Variants in RYR2 observed in about 807,000 individuals in gnomAD.
RYR2 encodes ryanodine receptor 2.
RYR2 carries 227 observed loss-of-function variants against 601.1 expected under a neutral mutation model. The observed-to-expected ratio is 0.38, with a 90% CI of 0.34 to 0.42. The LOEUF is 0.42. RYR2 is among the 10% of genes least tolerant of loss of function. The pLI is 1.00. For synonymous variants in RYR2, 2,223 were observed against 2,175.1 expected (o/e 1.02, Z -0.61); for missense variants, 4,646 against 6,156.5 (o/e 0.75, Z 8.21).
chr1:237,105,042 G>A (rs1283491424), intron 1 of RYR2, among the ~76,000 whole-genome samples: 2 of 152,184 alleles, frequency 1.3e-5, no homozygotes, highest in African/African-American at 2.4e-5. Context: ...AGAACCTCAC[G>A]AATAAGGGGT....
At chr1:237,317,893 T>C (rs1167383878) in intron 2 of RYR2, among the ~76,000 whole-genome samples, 2 of 152,190 alleles carry the variant, frequency 1.3e-5, no homozygotes, top group African/African-American at 4.8e-5. Context: ...TACAGTTAGA[T>C]CATATTTTTT....
At chr1:237,163,139 G>A (rs1394580735) in intron 1 of RYR2, among the ~76,000 whole-genome samples, 4 of 151,972 alleles carry the variant, frequency 2.6e-5, no homozygotes, top group East Asian at 1.9e-4. Context: ...CAACCACTCC[G>A]GTCAAACCTC....
intron 17 of RYR2, among the ~76,000 whole-genome samples, chr1:237,470,910 A>AAGAG (rs921177175): frequency 6.6e-6 from 1 of 150,452 alleles, no homozygotes; most frequent in East Asian, 1.9e-4. Flanking sequence ...AGAGAGAGGA[A>AAGAG]AGAGAGAGAG....
At chr1:237,672,577 C>T (rs1010335866) in intron 58 of RYR2, among the ~76,000 whole-genome samples, 3 of 152,202 alleles carry the variant, frequency 2.0e-5, no homozygotes, top group African/African-American at 7.2e-5. Context: ...CCCATCACCT[C>T]AAACATTTAT....
At chr1:237,505,714 C>T (rs1665151614) in intron 22 of RYR2, among the ~76,000 whole-genome samples, 1 of 152,184 alleles carries the variant, frequency 6.6e-6, no homozygotes, top group Non-Finnish European at 1.5e-5. Flanking sequence ...TTATCACCTG[C>T]TTCTCTTGGG....
chr1:237,707,866 G>A (rs949727007), intron 68 of RYR2, among the ~76,000 whole-genome samples: 1 of 151,994 alleles, frequency 6.6e-6, no homozygotes, highest in Non-Finnish European at 1.5e-5. Flanking sequence ...CCGCCTCCCG[G>A]GTTCAAGTGA....
At chr1:237,591,950 T>C in intron 32 of RYR2, 97 bp downstream of exon 32, 1 of 868,880 alleles carries the variant, frequency 1.2e-6, no homozygotes. Context: ...TTAGTAACAT[T>C]ATTTTTAAAA....
At chr1:237,203,482 G>A (rs964333551) in intron 1 of RYR2, among the ~76,000 whole-genome samples, 19 of 152,102 alleles carry the variant, frequency 1.2e-4, no homozygotes, top group African/African-American at 4.6e-4. Flanking sequence ...TGTCTCAAAA[G>A]TCAAACTAAA....
At chr1:237,675,990 T>A (rs1685362504) in intron 60 of RYR2, among the ~76,000 whole-genome samples, 1 of 152,190 alleles carries the variant, frequency 6.6e-6, no homozygotes. Context: ...TTTAAAAATA[T>A]GATTCCTGAC....
intron 29 of RYR2, among the ~76,000 whole-genome samples, chr1:237,574,181 T>A (rs994301955): frequency 6.6e-6 from 1 of 152,202 alleles, no homozygotes; most frequent in African/African-American, 2.4e-5. Context: ...CCTTCAATCA[T>A]CACTTTTAAA....
chr1:237,065,944 G>A (rs890721990), intron 1 of RYR2, among the ~76,000 whole-genome samples: 4 of 152,120 alleles, frequency 2.6e-5, no homozygotes, highest in East Asian at 1.9e-4. Context: ...AAGAGCACTT[G>A]CTCACTATCA....
Position 237,727,154 on chromosome 1 carries a change from C to CT in RYR2, c.10794dup (p.Val3599CysfsTer12). 6.3e-7 allele frequency: 1 copy of CT among 1,590,740 alleles called. No individual in the cohort carries two copies. Among genetic ancestry groups the CT allele is most frequent in the Non-Finnish European group, 8.6e-7 (1 of 1,167,478 alleles). On this transcript the variant is annotated frameshift_variant, in exon 76 of 105. Transcript: ENST00000366574. LOFTEE classifies it high-confidence loss of function. ...CTACTGTCCAAGCAGAGGAAAAGGG[C>CT]TGTTGTAGCCTGCTTCCGGATGGCC...
At chr1:237,298,043 G>C (rs1295106688) in intron 2 of RYR2, among the ~76,000 whole-genome samples, 1 of 151,550 alleles carries the variant, frequency 6.6e-6, no homozygotes, top group African/African-American at 2.4e-5. Flanking sequence ...ACAGGTGTGA[G>C]CTACAGTGCC....
intron 1 of RYR2, among the ~76,000 whole-genome samples, chr1:237,138,316 A>G (rs1673019864): frequency 6.6e-6 from 1 of 152,146 alleles, no homozygotes; most frequent in Admixed American, 6.5e-5. Context: ...TACAGGCGTG[A>G]GCCACCATGC....
intron 1 of RYR2, among the ~76,000 whole-genome samples, chr1:237,231,491 G>C (rs1684995850): frequency 6.6e-6 from 1 of 151,998 alleles, no homozygotes. Flanking sequence ...TGTATATGGG[G>C]CTATGATGGA....
chr1:237,355,588 G>T (rs1699224933), intron 3 of RYR2, among the ~76,000 whole-genome samples: 1 of 152,118 alleles, frequency 6.6e-6, no homozygotes, highest in Non-Finnish European at 1.5e-5. Context: ...TCTCTAAATT[G>T]ATCTTTTTAA....
chr1:237,440,825 A>AT (rs147111960), intron 12 of RYR2, among the ~76,000 whole-genome samples: 170 of 151,482 alleles, frequency 1.1e-3, no homozygotes, highest in South Asian at 4.0e-3. Context: ...CATTATCTTA[A>AT]TTTTTTTTTG....
intron 74 of RYR2, among the ~76,000 whole-genome samples, chr1:237,725,689 G>C (rs1690136180): frequency 6.6e-6 from 1 of 152,026 alleles, no homozygotes; most frequent in South Asian, 2.1e-4. Flanking sequence ...ACTTATCATT[G>C]ATTTAGAGGA....
At chr1:237,611,216 C>T (rs747261754) in intron 36 of RYR2, among the ~76,000 whole-genome samples, 5 of 152,168 alleles carry the variant, frequency 3.3e-5, no homozygotes, top group Admixed American at 6.5e-5. Flanking sequence ...GTTGAAGATG[C>T]CACATGATGG....
Sources: gnomAD v4.1 joint callset for allele counts (sites outside exome capture counted in the v4.1 genomes callset) on GRCh38, gnomAD v4.1.1 for gene constraint, MANE v1.5 for transcripts, NCBI Gene and HGNC (gene_info 2026-07-23, HGNC 2026-07-21) for gene names.